Variants in PRC1 observed in about 807,000 individuals in gnomAD.
PRC1 encodes anaphase spindle elongation 1 homolog.
PRC1 carries 54 observed loss-of-function variants against 91.2 expected under a neutral mutation model. The ratio of observed to expected loss-of-function variants is 0.59; its 90% CI spans 0.48 to 0.74. The LOEUF (loss-of-function observed/expected upper bound fraction) is 0.74. PRC1 is among the 30% of genes least tolerant of loss of function. The pLI, the probability that PRC1 is intolerant of heterozygous loss-of-function variation, is 0.00. For synonymous variants in PRC1, 275 were observed against 263.6 expected (o/e 1.04, Z -0.42); for missense variants, 727 against 746.2 (o/e 0.97, Z 0.30).
At position 90,980,230 on chromosome 15, in the gene PRC1, T is replaced by C. The variant is rs1169233176; in HGVS notation, c.970+12A>G. 6.2e-7 allele frequency: 1 copy of C among 1,601,754 alleles called. No individual in the cohort carries two copies. The highest frequency in any genetic ancestry group is 8.5e-7 in the Non-Finnish European group (1 of 1,176,226). On this transcript the variant is annotated intron_variant, in intron 7 of 14. Coordinates refer to ENST00000394249, the MANE Select transcript of PRC1 (RefSeq NM_003981.4). ...CAAACAAACAAACCAAAGACCTCAC[T>C]CTTGTACTAACCAGCACAGAAAGGG...
At chr15:90,989,138 AT>A (rs1217091030) in intron 1 of PRC1, among the ~76,000 whole-genome samples, 3 of 152,192 alleles carry the variant, frequency 2.0e-5, no homozygotes, top group South Asian at 2.1e-4. Context: ...ATAAAAAAAA[AT>A]ATATAGCAAA....
At chr15:90,989,388 T>C (rs1374330831) in intron 1 of PRC1, among the ~76,000 whole-genome samples, 5 of 150,936 alleles carry the variant, frequency 3.3e-5, no homozygotes, top group Middle Eastern at 3.5e-3. Flanking sequence ...GCTGGGACCA[T>C]AGACGTGCCA....
chr15:90,980,300 G>C lies in PRC1; in HGVS notation c.912C>G (p.Tyr304Ter). 3.7e-6 allele frequency: 6 copies of C among 1,614,182 alleles called. No individual in the cohort carries two copies. Among genetic ancestry groups the C allele is most frequent in the Non-Finnish European group, 5.1e-6 (6 of 1,180,024 alleles). ...CCTGGCTATAAAAGCACTGGTCCCA[G>C]TACTGAACCAGCTCCACTCGAATTG... ...IEAIRVELVQ[Y>*]WDQCFYSQEQ... The change falls in exon 7 of 15, where the codon TAC becomes TAG. Residue 304 changes from tyrosine to a stop codon, truncating the protein, a stop_gained. Transcript: ENST00000394249. LOFTEE classifies it high-confidence loss of function.
intron 1 of PRC1, among the ~76,000 whole-genome samples, chr15:90,992,964 CA>C (rs1483732076): frequency 1.4e-5 from 2 of 138,892 alleles, no homozygotes; most frequent in African/African-American, 5.3e-5. Context: ...GATCGATAAC[CA>C]TAATTAATTC....
chr15:90,981,179 C>T (rs555165299), intron 5 of PRC1, 146 bp from the exon 6 acceptor site: 133 of 1,089,366 alleles, frequency 1.2e-4, no homozygotes, highest in Admixed American at 4.4e-4. Context: ...CTCCTAAACA[C>T]GAGCTGTAAG....
Position 90,967,327 on chromosome 15 carries a change from C to T in PRC1, c.1792-125G>A, listed in dbSNP as rs1188475729. 9 of 732,768 alleles carry T rather than the reference C, an allele frequency of 1.2e-5. No homozygotes were observed. In the Admixed American group the frequency reaches 2.0e-4, roughly 16 times the overall value. The allele number at this position is 732,768 out of a possible 1,614,324, so 45.4% of individuals were successfully genotyped here. ...TAGTTTCTCTGAGATCCCTAGCCTG[C>T]AATAGGCTGCGTTAGGAGTAAAAGG... On this transcript the variant is annotated intron_variant, in intron 14 of 14. Coordinates refer to ENST00000394249, the MANE Select transcript of PRC1 (RefSeq NM_003981.4).
intron 14 of PRC1, chr15:90,968,734 C>T (rs2037770194): frequency 8.7e-7 from 1 of 1,143,312 alleles, no homozygotes; most frequent in African/African-American, 1.6e-5. Context: ...AGGCAGCACA[C>T]AGCTGGGGCT....
intron 12 of PRC1, 87 bp from the exon 13 acceptor site, chr15:90,969,710 G>T: frequency 8.8e-7 from 1 of 1,132,596 alleles, no homozygotes; most frequent in Non-Finnish European, 1.2e-6. Context: ...CAAAGGCTGA[G>T]ACTATCTTTA....
At chr15:90,983,905 C>A in intron 3 of PRC1, 113 bp downstream of exon 3, 1 of 1,377,554 alleles carries the variant, frequency 7.3e-7, no homozygotes, top group East Asian at 2.3e-5. Flanking sequence ...CCACTTCTTA[C>A]GTCTAGCTCC....
At chr15:90,972,457 AAGT>A (rs1057378408) in intron 11 of PRC1, among the ~76,000 whole-genome samples, 1 of 146,572 alleles carries the variant, frequency 6.8e-6, no homozygotes, top group African/African-American at 2.5e-5. Context: ...AAAAAGAAAA[AAGT>A]AGGCCAGGCA....
In PRC1 at chr15:90,980,099, C is replaced by T. The variant is rs1596309862; in HGVS notation, c.970+143G>A. On this transcript the variant is annotated intron_variant, in intron 7 of 14. Coordinates refer to ENST00000394249, the MANE Select transcript of PRC1 (RefSeq NM_003981.4). ...GTGAGCAGGCCACATGAAGACCCCA[C>T]TTTTGGCTGGGTGTGGTGGCCCAAC... 4.0e-6 allele frequency: 4 copies of T among 999,700 alleles called. No homozygotes were observed. In the East Asian group the frequency reaches 8.4e-5, roughly 21 times the overall value. The allele number at this position is 999,700 out of a possible 1,614,324, so 61.9% of individuals were successfully genotyped here. A position where few individuals can be genotyped will look rare whatever the true frequency, so the allele number is the denominator to read the frequency against.
chr15:90,993,263 G>A lies in PRC1; in HGVS notation c.11+1144C>T, dbSNP rs1302125023. Among the ~76,000 whole-genome samples, 3 of 146,456 alleles carry A rather than the reference G, an allele frequency of 2.0e-5. No homozygotes were observed. In the East Asian group the frequency reaches 6.2e-4, roughly 30 times the overall value. On this transcript the variant is annotated intron_variant, in intron 1 of 14. Coordinates refer to ENST00000394249, the MANE Select transcript of PRC1 (RefSeq NM_003981.4). ...CTCACTCTGTCGCCTAGGCTGGAGT[G>A]CAGTGTCGAGATGTCGGCTCATGCA...
At position 90,994,472 on chromosome 15, in the gene PRC1, C is replaced by G; in HGVS notation, c.-55G>C. ...GGTCCAGACCTACTCCACACGGCCCCGAGAGCAACAACCACCCGCAAACAC... is the reference window on the plus strand; with the variant it reads ...GGTCCAGACCTACTCCACACGGCCCGGAGAGCAACAACCACCCGCAAACAC... On this transcript the variant is annotated 5_prime_UTR_variant, in exon 1 of 15. Transcript: ENST00000394249. 1.3e-6 allele frequency: 2 copies of G among 1,590,178 alleles called. No individual in the cohort carries two copies. The highest frequency in any genetic ancestry group is 1.4e-5 in the African/African-American group (1 of 73,154).
At chr15:90,991,247 C>A (rs965754917) in intron 1 of PRC1, among the ~76,000 whole-genome samples, 9 of 151,374 alleles carry the variant, frequency 5.9e-5, no homozygotes, top group Non-Finnish European at 1.2e-4. Context: ...GAAACCCCAT[C>A]TCTACTAGAA....
chr15:90,980,593 A>C lies in PRC1; in HGVS notation c.823-204T>G, dbSNP rs576789343. On this transcript the variant is annotated intron_variant, in intron 6 of 14. Transcript: ENST00000394249. ...GAGTGCAGTGGCGCGATTCTGGCTCACTGCAACCCTCCACCTCCCAGGCTC... is the reference window on the plus strand; with the variant it reads ...GAGTGCAGTGGCGCGATTCTGGCTCCCTGCAACCCTCCACCTCCCAGGCTC... 2.9e-5 allele frequency: 20 copies of C among 687,060 alleles called. No individual in the cohort carries two copies. In the East Asian group the frequency reaches 5.5e-4, roughly 19 times the overall value. 42.6% of individuals were successfully genotyped at this position (687,060 alleles called of 1,614,324 possible). A position where few individuals can be genotyped will look rare whatever the true frequency, so the allele number is the denominator to read the frequency against.
In PRC1 at chr15:90,971,584, CACT is replaced by C. The variant is rs1567182039; in HGVS notation, c.1462-1073_1462-1071del. Among the ~76,000 whole-genome samples, 6 of 149,974 alleles carry C rather than the reference CACT, an allele frequency of 4.0e-5. No individual in the cohort carries two copies. The South Asian group carries it at 1.3e-3, about 31-fold the overall frequency. On this transcript the variant is annotated intron_variant, in intron 11 of 14. Transcript: ENST00000394249. ...GGCTTGAGCCACTGTACCCAGCCAA[CACT>C]TTTTTTTTTTTTTTTTAATTAAAAA...
intron 9 of PRC1, among the ~76,000 whole-genome samples, chr15:90,976,441 A>C (rs2038710117): frequency 6.6e-6 from 1 of 151,556 alleles, no homozygotes; most frequent in Admixed American, 6.6e-5. Flanking sequence ...GGCCTCCCAA[A>C]GTGCTGGGAT....
Position 90,989,323 on chromosome 15 carries a change from A to G in PRC1, c.12-4498T>C, listed in dbSNP as rs559315424. Among the ~76,000 whole-genome samples the G allele has an allele frequency of 5.3e-5, 8 of 151,826 alleles. No homozygotes were observed. The South Asian group carries it at 1.5e-3, about 28-fold the overall frequency. On this transcript the variant is annotated intron_variant, in intron 1 of 14. Transcript: ENST00000394249. ...AGTGCAGTGGTGTGATCATAGCTCA[A>G]CGCAGCCTCAACGCCCTGGGCTCAA...
chr15:90,972,879 T>A (rs2038288446), intron 11 of PRC1: 1 of 152,272 alleles, frequency 6.6e-6, no homozygotes, highest in South Asian at 2.1e-4. Flanking sequence ...CATTACAGGT[T>A]TTCAGGAAAA....
Sources: allele counts gnomAD v4.1 joint callset (sites outside exome capture counted in the v4.1 genomes callset), GRCh38; gene constraint gnomAD v4.1.1; transcripts MANE v1.5; gene names NCBI Gene and HGNC (gene_info 2026-07-23, HGNC 2026-07-21).